OSTN: variants seen among roughly 807,000 people sequenced by gnomAD.
The protein encoded by OSTN is osteocrin.
Under a neutral mutation model 12.0 loss-of-function variants are expected in OSTN, and 9 were observed. The ratio of observed to expected loss-of-function variants is 0.75; its 90% CI spans 0.45 to 1.30. The LOEUF (loss-of-function observed/expected upper bound fraction) is 1.30, where lower values mean the gene tolerates loss of function less well. Among genes scored for constraint, OSTN ranks in the 50% most tolerant of loss-of-function variants. The pLI is 0.00. For missense variants in OSTN, 148 were observed against 152.3 expected (o/e 0.97, Z 0.15); for synonymous variants, 59 against 56.9 (o/e 1.04, Z -0.16).
At position 191,240,767 on chromosome 3, in the gene OSTN, G is replaced by A. The variant is rs775237830; in HGVS notation, c.318-9270G>A. On this transcript the variant is annotated intron_variant, in intron 3 of 4. Coordinates refer to ENST00000682035, the MANE Select transcript of OSTN (RefSeq NM_198184.2). ...AGTCTCTGTTCCTCACTGGCTGTTG[G>A]CGAGAGGCCTTAGCTCTTTGCCATG... 2.4e-4 allele frequency among the ~76,000 whole-genome samples: 37 copies of A among 152,374 alleles called. 1 individual carries two copies. Among genetic ancestry groups the A allele is most frequent in the Non-Finnish European group, 1.0e-4 (7 of 68,038 alleles).
At chr3:191,225,033 T>C (rs957124762) in intron 3 of OSTN, among the ~76,000 whole-genome samples, 5 of 151,894 alleles carry the variant, frequency 3.3e-5, no homozygotes, top group Non-Finnish European at 7.4e-5. Context: ...TAAAATATAA[T>C]AAATCAATGC....
intron 3 of OSTN, among the ~76,000 whole-genome samples, chr3:191,243,512 T>C (rs1460794342): frequency 6.6e-6 from 1 of 152,156 alleles, no homozygotes; most frequent in Non-Finnish European, 1.5e-5. Context: ...ACACATAATA[T>C]TTGCTGAAAG....
At chr3:191,201,063 C>T (rs1354138113) in intron 1 of OSTN, among the ~76,000 whole-genome samples, 1 of 152,132 alleles carries the variant, frequency 6.6e-6, no homozygotes, top group South Asian at 2.1e-4. Context: ...CTCCAAATGG[C>T]TTAAGATCTC....
rs890214662 is a variant in OSTN, at chr3:191,264,164, G to T, written c.*1311G>T. ...GTCTTAATTTTAAAGGAAGAGGAGA[G>T]AAATGGGCAATTGCTAATCTTAACT... is the stretch of plus-strand genomic sequence containing the variant. On this transcript the variant is annotated 3_prime_UTR_variant, in exon 5 of 5. Coordinates refer to ENST00000682035, the MANE Select transcript of OSTN (RefSeq NM_198184.2). The T allele has an allele frequency of 6.6e-6, 1 of 152,052 alleles. No homozygotes were observed. The highest frequency in any genetic ancestry group is 1.5e-5 in the Non-Finnish European group (1 of 67,964). 9.4% of individuals were successfully genotyped at this position (152,052 alleles called of 1,614,324 possible).
At chr3:191,220,676 AAAG>A (rs1196702288) in intron 3 of OSTN, among the ~76,000 whole-genome samples, 7 of 152,162 alleles carry the variant, frequency 4.6e-5, no homozygotes, top group African/African-American at 1.7e-4. Context: ...ACTAATCTAA[AAAG>A]AAGAACATCG....
At chr3:191,254,398 A>C (rs967609119) in intron 4 of OSTN, among the ~76,000 whole-genome samples, 2 of 152,246 alleles carry the variant, frequency 1.3e-5, no homozygotes, top group Non-Finnish European at 2.9e-5. Context: ...TTTACATATA[A>C]GTGGCTGTTA....
At chr3:191,216,379 T>TA (rs1475163520) in intron 2 of OSTN, among the ~76,000 whole-genome samples, 2 of 152,260 alleles carry the variant, frequency 1.3e-5, no homozygotes, top group African/African-American at 4.8e-5. Context: ...CCCATTGTCT[T>TA]AGCAATTAGC....
intron 4 of OSTN, among the ~76,000 whole-genome samples, chr3:191,254,109 T>G (rs1463996118): frequency 6.6e-6 from 1 of 152,232 alleles, no homozygotes; most frequent in Non-Finnish European, 1.5e-5. Context: ...TAAATAGCTG[T>G]GTCCCATTCC....
intron 4 of OSTN, 132 bp from the exon 5 acceptor site, chr3:191,262,734 C>A: frequency 1.9e-6 from 1 of 526,378 alleles, no homozygotes; most frequent in Non-Finnish European, 3.4e-6. Flanking sequence ...TAAAAAATTG[C>A]CATGTAAATA....
intron 3 of OSTN, among the ~76,000 whole-genome samples, chr3:191,229,090 C>T (rs1714985454): frequency 6.6e-6 from 1 of 152,166 alleles, no homozygotes; most frequent in South Asian, 2.1e-4. Flanking sequence ...TTCAGAGACA[C>T]TACAGGGATG....
intron 3 of OSTN, among the ~76,000 whole-genome samples, chr3:191,244,078 G>A (rs754337962): frequency 6.6e-6 from 1 of 152,030 alleles, no homozygotes; most frequent in Non-Finnish European, 1.5e-5. Flanking sequence ...GCTGGGAATA[G>A]GGCTGTTCAT....
At chr3:191,220,407 G>C (rs1287816178) in intron 3 of OSTN, among the ~76,000 whole-genome samples, 1 of 152,036 alleles carries the variant, frequency 6.6e-6, no homozygotes, top group Non-Finnish European at 1.5e-5. Context: ...TGGTGAAAAA[G>C]AGGAGAAAAA....
At chr3:191,259,962 C>G (rs1413514704) in intron 4 of OSTN, among the ~76,000 whole-genome samples, 1 of 147,890 alleles carries the variant, frequency 6.8e-6, no homozygotes, top group Non-Finnish European at 1.5e-5. Context: ...TCAAGTGATT[C>G]TCCTGCCTCA....
At chr3:191,210,518 G>A (rs997617541) in intron 1 of OSTN, among the ~76,000 whole-genome samples, 9 of 152,112 alleles carry the variant, frequency 5.9e-5, no homozygotes, top group African/African-American at 1.9e-4. Context: ...TGCATGAATC[G>A]ATTCAATCCT....
chr3:191,208,349 T>C (rs1714334207), intron 1 of OSTN, among the ~76,000 whole-genome samples: 1 of 152,220 alleles, frequency 6.6e-6, no homozygotes, highest in Non-Finnish European at 1.5e-5. Context: ...CATTTCTAAT[T>C]TTGTAGCAAT....
chr3:191,221,315 C>T (rs2108534612), intron 3 of OSTN, among the ~76,000 whole-genome samples: 1 of 152,048 alleles, frequency 6.6e-6, no homozygotes, highest in Middle Eastern at 3.4e-3. Context: ...GCTATAAAGA[C>T]ACCTGAAAAT....
At chr3:191,247,334 G>C (rs577133180) in intron 3 of OSTN, among the ~76,000 whole-genome samples, 1 of 152,260 alleles carries the variant, frequency 6.6e-6, no homozygotes, top group African/African-American at 2.4e-5. Flanking sequence ...TTTTCATCAA[G>C]AAATGTAGAA....
chr3:191,254,186 A>G (rs1476561938), intron 4 of OSTN, among the ~76,000 whole-genome samples: 1 of 152,260 alleles, frequency 6.6e-6, no homozygotes, highest in Non-Finnish European at 1.5e-5. Context: ...TTTAATAAGA[A>G]GTATTTCTAA....
chr3:191,261,489 G>A (rs1715809446), intron 4 of OSTN, among the ~76,000 whole-genome samples: 1 of 152,160 alleles, frequency 6.6e-6, no homozygotes, highest in African/African-American at 2.4e-5. Context: ...AGAATAGATG[G>A]CAAATGTTTC....
Sources: allele counts gnomAD v4.1 joint callset (sites outside exome capture counted in the v4.1 genomes callset), GRCh38; gene constraint gnomAD v4.1.1; transcripts MANE v1.5; gene names NCBI Gene and HGNC (gene_info 2026-07-23, HGNC 2026-07-21).